Variants in TNFRSF19 observed in about 807,000 individuals in gnomAD.
TNFRSF19 encodes tumor necrosis factor receptor superfamily member 19.
In TNFRSF19, 27 loss-of-function variants were observed where a neutral mutation model predicts 46.4. That is an observed-to-expected ratio of 0.58 (90% CI 0.43 to 0.80). The LOEUF (loss-of-function observed/expected upper bound fraction) is 0.80. Ranked by LOEUF, TNFRSF19 falls within the 30% of genes least tolerant of loss-of-function variation. The pLI, the probability that TNFRSF19 is intolerant of heterozygous loss-of-function variation, is 0.00. For synonymous variants in TNFRSF19, 204 were observed against 205.0 expected (o/e 1.00, Z 0.04); for missense variants, 511 against 530.8 (o/e 0.96, Z 0.37).
chr13:23,649,206 G>T (rs1465217480), intron 5 of TNFRSF19, among the ~76,000 whole-genome samples: 7 of 152,044 alleles, frequency 4.6e-5, no homozygotes, highest in African/African-American at 1.7e-4. Flanking sequence ...CAGGTTGTGG[G>T]CTTTTCTTTT....
At chr13:23,599,107 C>T (rs1335366293) in intron 3 of TNFRSF19, among the ~76,000 whole-genome samples, 2 of 152,224 alleles carry the variant, frequency 1.3e-5, no homozygotes, top group Admixed American at 6.5e-5. Flanking sequence ...TTGAAACTGA[C>T]TGACCTTCAA....
intron 3 of TNFRSF19, among the ~76,000 whole-genome samples, chr13:23,613,935 G>A (rs1881074230): frequency 6.6e-6 from 1 of 152,198 alleles, no homozygotes; most frequent in Non-Finnish European, 1.5e-5. Flanking sequence ...TATTACAAGA[G>A]TAATGGATGC....
intron 5 of TNFRSF19, among the ~76,000 whole-genome samples, chr13:23,651,764 A>G (rs563743684): frequency 6.7e-6 from 1 of 149,354 alleles, no homozygotes; most frequent in Non-Finnish European, 1.5e-5. Flanking sequence ...GTCAAGCTAT[A>G]TTGTATGTGT....
intron 5 of TNFRSF19, among the ~76,000 whole-genome samples, chr13:23,643,963 T>C (rs988888174): frequency 6.6e-6 from 1 of 152,212 alleles, no homozygotes; most frequent in African/African-American, 2.4e-5. Context: ...AAAGTGTACC[T>C]CTTAGGAGTG....
chr13:23,581,404 C>A (rs1878423056), intron 1 of TNFRSF19, among the ~76,000 whole-genome samples: 1 of 151,902 alleles, frequency 6.6e-6, no homozygotes, highest in African/African-American at 2.4e-5. Flanking sequence ...CCTCGACCTC[C>A]CAAAGTGCTG....
rs147805405 is a variant in TNFRSF19 at position 23,666,212 on chromosome 13, A to G, written c.737-1768A>G. Among the ~76,000 whole-genome samples the G allele has an allele frequency of 2.6e-5, 4 of 152,306 alleles. No individual in the cohort carries two copies. In the East Asian group the frequency reaches 7.7e-4, roughly 29 times the overall value. ...ATGTCCGCTGTTCTCTTTGTAATGA[A>G]TAAATATCCTATAGGGGATACTTGG... On this transcript the variant is annotated intron_variant, in intron 7 of 9. Transcript: ENST00000248484.
chr13:23,603,252 G>C (rs1187011513), intron 3 of TNFRSF19, among the ~76,000 whole-genome samples: 1 of 152,018 alleles, frequency 6.6e-6, no homozygotes, highest in African/African-American at 2.4e-5. Context: ...TTCCTTGAAA[G>C]ACGCAGTCTG....
chr13:23,573,504 C>A lies in TNFRSF19; in HGVS notation c.-35+2656C>A, dbSNP rs1030787252. ...TTGCCTCTGTGTGTGTGTGTACATA[C>A]GAGTTTGGCATTATATCAACACATA... On this transcript the variant is annotated intron_variant, in intron 1 of 9. Coordinates refer to ENST00000248484, the MANE Select transcript of TNFRSF19 (RefSeq NM_148957.4). Among the ~76,000 whole-genome samples the A allele has an allele frequency of 2.6e-5, 4 of 151,922 alleles. No individual in the cohort carries two copies. In the South Asian group the frequency reaches 8.3e-4, roughly 32 times the overall value.
At chr13:23,573,431 A>C (rs1158520237) in intron 1 of TNFRSF19, among the ~76,000 whole-genome samples, 2 of 152,184 alleles carry the variant, frequency 1.3e-5, no homozygotes, top group African/African-American at 4.8e-5. Flanking sequence ...TTTTCACAAA[A>C]AGTTTAATGC....
rs1421992355 is a variant in TNFRSF19 at position 23,674,000 on chromosome 13, A to T, written c.*620A>T. 4 of 152,198 alleles carry T rather than the reference A, an allele frequency of 2.6e-5. No individual in the cohort carries two copies. Among genetic ancestry groups the T allele is most frequent in the African/African-American group, 4.8e-5 (2 of 41,428 alleles). 9.4% of individuals were successfully genotyped at this position (152,198 alleles called of 1,614,324 possible). ...TTACTGAATCAGAGGAATCAGACAG[A>T]GGAGGATAGCTCTTTCCAGAATCCA... On this transcript the variant is annotated 3_prime_UTR_variant, in exon 10 of 10. Transcript: ENST00000248484.
chr13:23,675,984 TTCA>T lies in TNFRSF19; in HGVS notation c.*2609_*2611del, dbSNP rs1393516834. Reference sequence around the variant, plus strand: ...TATAGTAGCTTATATCAATTTAGATTTCATCATTACTATTTTGCATACTGGAAT... The same window carrying T: ...TATAGTAGCTTATATCAATTTAGATTTCATTACTATTTTGCATACTGGAAT... On this transcript the variant is annotated 3_prime_UTR_variant, in exon 10 of 10. Coordinates refer to ENST00000248484, the MANE Select transcript of TNFRSF19 (RefSeq NM_148957.4). 1.3e-5 allele frequency: 2 copies of T among 152,220 alleles called. No individual in the cohort carries two copies. The highest frequency in any genetic ancestry group is 2.4e-5 in the African/African-American group (1 of 41,462). The allele number at this position is 152,220 out of a possible 1,614,324, so 9.4% of individuals were successfully genotyped here.
At position 23,593,335 on chromosome 13, in the gene TNFRSF19, T is replaced by C. The variant is rs1879452921; in HGVS notation, c.70-10T>C. 1 of 1,525,472 alleles carries C rather than the reference T, an allele frequency of 6.6e-7. No homozygotes were observed. The allele number at this position is 1,525,472 out of a possible 1,614,324, so 94.5% of individuals were successfully genotyped here. A position where few individuals can be genotyped will look rare whatever the true frequency, so the allele number is the denominator to read the frequency against. On this transcript the variant is annotated splice_polypyrimidine_tract_variant and intron_variant, in intron 2 of 9. Coordinates refer to ENST00000248484, the MANE Select transcript of TNFRSF19 (RefSeq NM_148957.4). ...TTTAAGATAACATTTTGTTAAATTT[T>C]TTTTTTCAGTCATGTAAAGTGACTT...
chr13:23,660,779 T>C (rs1442125366), intron 7 of TNFRSF19, among the ~76,000 whole-genome samples: 1 of 152,224 alleles, frequency 6.6e-6, no homozygotes, highest in African/African-American at 2.4e-5. Context: ...AAAATCACGG[T>C]AACCTTTGGT....
Position 23,669,050 on chromosome 13 carries a change from C to G in TNFRSF19, c.1198C>G (p.Gln400Glu), listed in dbSNP as rs1951706052. The G allele has an allele frequency of 2.5e-6, 4 of 1,614,182 alleles. No individual in the cohort carries two copies. Among genetic ancestry groups the G allele is most frequent in the Non-Finnish European group, 3.4e-6 (4 of 1,180,038 alleles). Residue 400 changes from glutamine to glutamate, a missense_variant, in exon 9 of 10, where the codon CAG (glutamine) becomes GAG (glutamate). This residue lies in a region of TNFRSF19 where 376 missense variants were observed against 372.7 expected (regional missense o/e 1.01). Coordinates refer to ENST00000248484, the MANE Select transcript of TNFRSF19 (RefSeq NM_148957.4). ...DALTMRSQLDQESGAVIHPAT... is the reference protein window; with the variant it reads ...DALTMRSQLDEESGAVIHPAT... Reference sequence around the variant, plus strand: ...ACTAACTATGAGAAGCCAGCTAGATCAGGAGAGTGGTGCTGTCATCCACCC... The same window carrying G: ...ACTAACTATGAGAAGCCAGCTAGATGAGGAGAGTGGTGCTGTCATCCACCC...
At chr13:23,666,263 C>G (rs1304666190) in intron 7 of TNFRSF19, among the ~76,000 whole-genome samples, 1 of 152,084 alleles carries the variant, frequency 6.6e-6, no homozygotes, top group Non-Finnish European at 1.5e-5. Flanking sequence ...CCTGTCACAC[C>G]CCAAACTTTC....
At chr13:23,584,533 A>C (rs9553006) in intron 1 of TNFRSF19, among the ~76,000 whole-genome samples, 52,652 of 151,624 alleles carry the variant, frequency 0.35, 9,764 homozygotes, top group East Asian at 0.47. Context: ...CTGCTATAAA[A>C]ATGTGTGTGC....
intron 3 of TNFRSF19, chr13:23,594,183 G>A (rs1370911193): frequency 4.5e-6 from 2 of 446,392 alleles, no homozygotes; most frequent in Admixed American, 2.4e-5. Flanking sequence ...AGCTGTTTGG[G>A]CAGACACTGA....
rs978252622 is a variant in TNFRSF19 at position 23,582,258 on chromosome 13, G to A, written c.-34-7892G>A. ...AAAAAAAAAAAAAAAAAAATTAGCC[G>A]GGCGTGGTGGCGGGCGCCTGTAGTC... On this transcript the variant is annotated intron_variant, in intron 1 of 9. Transcript: ENST00000248484. Among the ~76,000 whole-genome samples, 6 of 151,192 alleles carry A rather than the reference G, an allele frequency of 4.0e-5. No homozygotes were observed. The South Asian group carries it at 6.3e-4, about 16-fold the overall frequency.
chr13:23,606,238 A>C (rs1242870688), intron 3 of TNFRSF19, among the ~76,000 whole-genome samples: 1 of 152,220 alleles, frequency 6.6e-6, no homozygotes, highest in African/African-American at 2.4e-5. Context: ...GCAGTTTTCC[A>C]TAAGGATTGA....
Sources: allele counts gnomAD v4.1 joint callset (sites outside exome capture counted in the v4.1 genomes callset), GRCh38; gene constraint gnomAD v4.1.1; regional missense constraint gnomAD v4.1.1; transcripts MANE v1.5; gene names NCBI Gene and HGNC (gene_info 2026-07-23, HGNC 2026-07-21).